TACR3: variants seen among roughly 807,000 people sequenced by gnomAD.
TACR3 encodes the protein tachykinin receptor 3, also known as neuromedin-K receptor.
Under a neutral mutation model 35.0 loss-of-function variants are expected in TACR3, and 34 were observed. The observed-to-expected ratio is 0.97, with a 90% CI of 0.74 to 1.30. The LOEUF is 1.30. Ranked by LOEUF, TACR3 falls within the 50% of genes most tolerant of loss-of-function variation. The pLI, the probability that TACR3 is intolerant of heterozygous loss-of-function variation, is 0.00. For synonymous variants in TACR3, 233 were observed against 221.1 expected, an observed-to-expected ratio of 1.05 and a Z score of -0.48; for missense variants, 558 against 591.7, an observed-to-expected ratio of 0.94 and a Z score of 0.59.
intron 3 of TACR3, 95 bp downstream of exon 3, chr4:103,656,099 A>G (rs1436780766): frequency 1.4e-6 from 2 of 1,458,976 alleles, no homozygotes; most frequent in African/African-American, 1.4e-5. Context: ...GTAGAGCATC[A>G]GATCATATTG....
At chr4:103,662,104 A>G (rs940190386) in intron 1 of TACR3, among the ~76,000 whole-genome samples, 2 of 152,134 alleles carry the variant, frequency 1.3e-5, no homozygotes, top group Non-Finnish European at 2.9e-5. Flanking sequence ...CCCTAAGAAA[A>G]GTCATTCTAG....
chr4:103,654,978 C>G (rs3796960), intron 3 of TACR3, among the ~76,000 whole-genome samples: 23,049 of 151,952 alleles, frequency 0.15, 1,802 homozygotes, highest in South Asian at 0.21. Flanking sequence ...GTGCCAGAGG[C>G]CATTTGGTTG....
intron 3 of TACR3, among the ~76,000 whole-genome samples, chr4:103,640,602 C>T (rs6831831): frequency 0.077 from 11,763 of 151,910 alleles, 1,478 homozygotes; most frequent in African/African-American, 0.26. Flanking sequence ...CAAATTTTTT[C>T]TCCTAATCCA....
At chr4:103,688,030 G>A (rs1422677996) in intron 1 of TACR3, among the ~76,000 whole-genome samples, 3 of 152,112 alleles carry the variant, frequency 2.0e-5, no homozygotes, top group Admixed American at 6.5e-5. Flanking sequence ...AAACAGCACG[G>A]TACTGGTACC....
intron 3 of TACR3, among the ~76,000 whole-genome samples, chr4:103,630,047 C>A (rs867479873): frequency 6.6e-6 from 1 of 152,080 alleles, no homozygotes; most frequent in Non-Finnish European, 1.5e-5. Context: ...ACATCTACAA[C>A]CATCTGTTCT....
chr4:103,693,164 G>A (rs998141892), intron 1 of TACR3, among the ~76,000 whole-genome samples: 1 of 151,962 alleles, frequency 6.6e-6, no homozygotes, highest in African/African-American at 2.4e-5. Flanking sequence ...GTTTTTATCT[G>A]TAATCTCTAC....
chr4:103,595,473 T>G (rs569793928), intron 3 of TACR3, among the ~76,000 whole-genome samples: 6 of 152,306 alleles, frequency 3.9e-5, no homozygotes, highest in African/African-American at 1.4e-4. Flanking sequence ...GAACTGCATG[T>G]CCTCATATAT....
intron 1 of TACR3, among the ~76,000 whole-genome samples, chr4:103,699,234 G>T (rs1032748397): frequency 6.6e-6 from 1 of 152,186 alleles, no homozygotes; most frequent in South Asian, 2.1e-4. Flanking sequence ...TCCAGAAGCA[G>T]TATAGGGAAT....
At chr4:103,619,665 TG>T (rs1386150334) in intron 3 of TACR3, among the ~76,000 whole-genome samples, 12 of 146,542 alleles carry the variant, frequency 8.2e-5, no homozygotes, top group Non-Finnish European at 1.5e-4. Context: ...CCGTTACAGA[TG>T]GCTCTTATTA....
At chr4:103,641,132 T>C (rs1343724282) in intron 3 of TACR3, among the ~76,000 whole-genome samples, 2 of 151,936 alleles carry the variant, frequency 1.3e-5, no homozygotes, top group African/African-American at 4.8e-5. Flanking sequence ...ATACCCAAGG[T>C]CCCTCAACAC....
At chr4:103,650,771 TAA>T (rs1491551155) in intron 3 of TACR3, among the ~76,000 whole-genome samples, 1 of 82,604 alleles carries the variant, frequency 1.2e-5, no homozygotes, top group Non-Finnish European at 2.1e-5. Flanking sequence ...ATGATGTATA[TAA>T]TATATATTAT....
intron 3 of TACR3, among the ~76,000 whole-genome samples, chr4:103,633,766 T>TA (rs911802990): frequency 2.0e-5 from 3 of 152,270 alleles, no homozygotes; most frequent in Middle Eastern, 3.4e-3. Context: ...TTGAATCGTT[T>TA]AAAAAATAGC....
intron 3 of TACR3, among the ~76,000 whole-genome samples, chr4:103,618,370 A>G (rs539209918): frequency 6.6e-6 from 1 of 152,210 alleles, no homozygotes; most frequent in African/African-American, 2.4e-5. Flanking sequence ...CAGTCTTGAC[A>G]AAGTTCAGAT....
At chr4:103,687,650 G>A (rs1356898968) in intron 1 of TACR3, among the ~76,000 whole-genome samples, 1 of 152,110 alleles carries the variant, frequency 6.6e-6, no homozygotes, top group Non-Finnish European at 1.5e-5. Flanking sequence ...ATTCACAATT[G>A]CTTCAAAGAG....
intron 3 of TACR3, among the ~76,000 whole-genome samples, chr4:103,601,086 G>T (rs548434202): frequency 1.3e-5 from 2 of 152,276 alleles, no homozygotes; most frequent in South Asian, 4.1e-4. Context: ...TTATTGTGTG[G>T]AGTCTAAGTC....
intron 3 of TACR3, among the ~76,000 whole-genome samples, chr4:103,599,883 C>T (rs8003993): frequency 2.2e-4 from 33 of 152,190 alleles, no homozygotes; most frequent in African/African-American, 7.7e-4. Flanking sequence ...ATTTTTGCAT[C>T]AATGTTCATC....
At chr4:103,603,413 T>C (rs1461723578) in intron 3 of TACR3, among the ~76,000 whole-genome samples, 1 of 152,230 alleles carries the variant, frequency 6.6e-6, no homozygotes, top group Admixed American at 6.5e-5. Context: ...TTGCACCTAC[T>C]GTCTGGCACT....
intron 3 of TACR3, among the ~76,000 whole-genome samples, chr4:103,609,538 T>C (rs182248742): frequency 5.1e-4 from 77 of 152,244 alleles, no homozygotes; most frequent in African/African-American, 1.8e-3. Flanking sequence ...TCAATACATA[T>C]ATAATGAAAT....
intron 3 of TACR3, among the ~76,000 whole-genome samples, chr4:103,628,843 G>T (rs866437013): frequency 2.5e-5 from 2 of 81,552 alleles, no homozygotes; most frequent in Admixed American, 2.1e-4. Flanking sequence ...GAGATAAAAA[G>T]AATTTTAGAT....
Sources: gnomAD v4.1 joint callset for allele counts (sites outside exome capture counted in the v4.1 genomes callset) on GRCh38, gnomAD v4.1.1 for gene constraint, MANE v1.5 for transcripts, NCBI Gene and HGNC (gene_info 2026-07-23, HGNC 2026-07-21) for gene names.